The following HMGA2 variants were observed in gnomAD, a reference collection of about 807,000 sequenced individuals.
The protein encoded by HMGA2 is high mobility group AT-hook 2.
HMGA2 carries 8 observed loss-of-function variants against 19.1 expected under a neutral mutation model. That is an observed-to-expected ratio of 0.42 (90% CI 0.25 to 0.76). The LOEUF is 0.76. Among genes scored for constraint, HMGA2 ranks in the 30% least tolerant of loss-of-function variants. The probability of loss-of-function intolerance (pLI) is 0.28; values close to 1 mark genes in which losing one functional copy is unlikely to be tolerated. For missense variants in HMGA2, 109 were observed against 136.3 expected (o/e 0.80, Z 1.00); for synonymous variants, 60 against 48.8 (o/e 1.23, Z -0.96).
At chr12:65,918,252 G>C (rs1254042361) in intron 3 of HMGA2, among the ~76,000 whole-genome samples, 4 of 152,186 alleles carry the variant, frequency 2.6e-5, no homozygotes, top group East Asian at 1.9e-4. Context: ...ATTTTCGTAA[G>C]AGTACCTGTC....
chr12:65,881,802 T>C, intron 3 of HMGA2: 1 of 703,072 alleles, frequency 1.4e-6, no homozygotes, highest in South Asian at 1.5e-5. Context: ...GAACTGGCCT[T>C]GCGCGCAAGT....
intron 2 of HMGA2, among the ~76,000 whole-genome samples, chr12:65,830,270 T>G (rs1470879662): frequency 1.3e-5 from 2 of 151,994 alleles, no homozygotes; most frequent in African/African-American, 4.8e-5. Flanking sequence ...ATTTGTTGAG[T>G]ATGTTACTAT....
chr12:65,920,482 C>T (rs1184700006), intron 3 of HMGA2, among the ~76,000 whole-genome samples: 1 of 152,112 alleles, frequency 6.6e-6, no homozygotes, highest in African/African-American at 2.4e-5. Flanking sequence ...ATATGGTTTG[C>T]CTGTGTCCCC....
In HMGA2 at chr12:65,847,982, T is replaced by A. The variant is rs139514554; in HGVS notation, c.249+9413T>A. On this transcript the variant is annotated intron_variant, in intron 3 of 4. Transcript: ENST00000403681. ...CAAAGAGGCTACAGCAGGTTTTTTT[T>A]AAAAAGCACAACCTATAGGCATCAA... is the stretch of plus-strand genomic sequence containing the variant. 4.2e-3 allele frequency among the ~76,000 whole-genome samples: 638 copies of A among 152,324 alleles called. 3 individuals carry two copies. The highest frequency in any genetic ancestry group is 0.01 in the Middle Eastern group (3 of 294).
intron 3 of HMGA2, among the ~76,000 whole-genome samples, chr12:65,902,267 T>A (rs549683691): frequency 6.6e-6 from 1 of 152,298 alleles, no homozygotes; most frequent in South Asian, 2.1e-4. Flanking sequence ...TAATTTGTCT[T>A]CCATAGATAG....
chr12:65,836,708 T>C (rs1163668013), intron 2 of HMGA2, among the ~76,000 whole-genome samples: 1 of 152,214 alleles, frequency 6.6e-6, no homozygotes, highest in African/African-American at 2.4e-5. Flanking sequence ...CCCTTGGGAC[T>C]GAAGGTAAGA....
In HMGA2 at chr12:65,895,446, G is replaced by T. The variant is rs1017224494; in HGVS notation, c.250-55937G>T. On this transcript the variant is annotated intron_variant, in intron 3 of 4. Coordinates refer to ENST00000403681, the MANE Select transcript of HMGA2 (RefSeq NM_003483.6). ...GTTTTTAAAAGCCTTTGTACCTAAA[G>T]GTTCTGATTCATTCTCTATTGTGGC... Among the ~76,000 whole-genome samples the T allele has an allele frequency of 2.0e-5, 3 of 152,150 alleles. No homozygotes were observed. The East Asian group carries it at 5.8e-4, about 29-fold the overall frequency.
In HMGA2 at chr12:65,828,159, C is replaced by T. The variant is rs1026082202; in HGVS notation, c.198+72C>T. On this transcript the variant is annotated intron_variant, in intron 2 of 4. Transcript: ENST00000403681. ...TACAGGAGCCTGCCTGTAACTTTCC[C>T]ATTCTAACTCCGCAGCCAGGAATTT... The T allele has an allele frequency of 5.5e-6, 6 of 1,087,758 alleles. No homozygotes were observed. The Admixed American group carries it at 1.0e-4, about 19-fold the overall frequency. The allele number at this position is 1,087,758 out of a possible 1,614,324, so 67.4% of individuals were successfully genotyped here.
chr12:65,851,777 C>G (rs532312759), intron 3 of HMGA2: 1 of 298,266 alleles, frequency 3.4e-6, no homozygotes, highest in African/African-American at 2.2e-5. Context: ...GTTTTTCTAA[C>G]CCACTAATCA....
intron 3 of HMGA2, among the ~76,000 whole-genome samples, chr12:65,840,203 T>C (rs544080112): frequency 1.3e-5 from 2 of 152,318 alleles, no homozygotes; most frequent in East Asian, 3.9e-4. Flanking sequence ...CAGTTATCGA[T>C]TGCTGCATAG....
chr12:65,942,395 C>A (rs1162857020), intron 3 of HMGA2, among the ~76,000 whole-genome samples: 1 of 151,956 alleles, frequency 6.6e-6, no homozygotes, highest in African/African-American at 2.4e-5. Context: ...TAATTTGGGC[C>A]TTAAAAAATA....
intron 3 of HMGA2, among the ~76,000 whole-genome samples, chr12:65,922,889 C>T (rs1875367234): frequency 6.6e-6 from 1 of 152,120 alleles, no homozygotes; most frequent in Non-Finnish European, 1.5e-5. Context: ...TCAGGAGTTT[C>T]CGCTTTTGCC....
intron 3 of HMGA2, among the ~76,000 whole-genome samples, chr12:65,841,616 A>G (rs1446816925): frequency 1.3e-5 from 2 of 152,238 alleles, no homozygotes; most frequent in African/African-American, 4.8e-5. Flanking sequence ...ATTCTTTCCA[A>G]CAGTGTCATT....
At chr12:65,898,903 G>A (rs1874249367) in intron 3 of HMGA2, among the ~76,000 whole-genome samples, 1 of 151,936 alleles carries the variant, frequency 6.6e-6, no homozygotes, top group African/African-American at 2.4e-5. Context: ...AATTAGCCGG[G>A]CGTGGTGGCG....
chr12:65,965,406 G>A lies in HMGA2; in HGVS notation c.*2114G>A, dbSNP rs1876879783. ...TAACATGGTATTATCAACTGGGCCA[G>A]GAGGTAGTTTCTCATGACGGCTTTT... On this transcript the variant is annotated 3_prime_UTR_variant, in exon 5 of 5. Coordinates refer to ENST00000403681, the MANE Select transcript of HMGA2 (RefSeq NM_003483.6). 4.9e-6 allele frequency: 1 copy of A among 203,700 alleles called. No individual in the cohort carries two copies. The highest frequency in any genetic ancestry group is 1.0e-5 in the Non-Finnish European group (1 of 99,210). The allele number at this position is 203,700 out of a possible 1,614,324, so 12.6% of individuals were successfully genotyped here. A position where few individuals can be genotyped will look rare whatever the true frequency, so the allele number is the denominator to read the frequency against.
At chr12:65,942,370 T>A (rs1876117968) in intron 3 of HMGA2, among the ~76,000 whole-genome samples, 1 of 152,200 alleles carries the variant, frequency 6.6e-6, no homozygotes, top group South Asian at 2.1e-4. Context: ...GAAAAAGAAA[T>A]ACATATAGAA....
At chr12:65,861,457 G>A (rs1294501575) in intron 3 of HMGA2, among the ~76,000 whole-genome samples, 1 of 152,206 alleles carries the variant, frequency 6.6e-6, no homozygotes, top group Non-Finnish European at 1.5e-5. Context: ...AGCGTTCCAT[G>A]TGACAAAACC....
intron 3 of HMGA2, among the ~76,000 whole-genome samples, chr12:65,884,318 C>G (rs1873569856): frequency 6.6e-6 from 1 of 152,104 alleles, no homozygotes; most frequent in African/African-American, 2.4e-5. Context: ...ATTAGAGATG[C>G]TGAAGAGGTA....
chr12:65,920,824 TA>T (rs1875281344), intron 3 of HMGA2, among the ~76,000 whole-genome samples: 2 of 152,150 alleles, frequency 1.3e-5, no homozygotes, highest in Admixed American at 1.3e-4. Context: ...GACTAACTAA[TA>T]CAGTAAATTG....
Sources: gnomAD v4.1 joint callset for allele counts (sites outside exome capture counted in the v4.1 genomes callset) on GRCh38, gnomAD v4.1.1 for gene constraint, MANE v1.5 for transcripts, NCBI Gene and HGNC (gene_info 2026-07-23, HGNC 2026-07-21) for gene names.